The following TXN variants were observed in gnomAD, a reference collection of about 807,000 sequenced individuals.
TXN encodes the protein ADF.
A neutral mutation model predicts 16.5 loss-of-function variants in TXN; 10 were observed. That is an observed-to-expected ratio of 0.61 (90% CI 0.37 to 1.03). The LOEUF (loss-of-function observed/expected upper bound fraction) is 1.03. Ranked by LOEUF, TXN falls within the 50% of genes least tolerant of loss-of-function variation. TXN has a pLI of 0.01. For synonymous variants in TXN, 35 were observed against 39.4 expected (o/e 0.89, Z 0.42); for missense variants, 71 against 122.5 (o/e 0.58, Z 1.98).
In TXN at chr9:110,245,650, ATATATTTTTTTTTT is replaced by A. The variant is rs1439659747; in HGVS notation, c.190-821_190-808del. Among the ~76,000 whole-genome samples, 18 of 24,644 alleles carry A rather than the reference ATATATTTTTTTTTT, an allele frequency of 7.3e-4. 3 individuals are homozygous for A. In the South Asian group the frequency reaches 0.018, roughly 25 times the overall value. 16.2% of individuals were successfully genotyped at this position (24,644 alleles called of 152,430 possible). ...TATATATATATATATATATATATAT[ATATATTTTTTTTTT>A]TTTTTTTTTATAGGGACAAGGTCTC... is the stretch of plus-strand genomic sequence containing the variant. On this transcript the variant is annotated intron_variant, in intron 3 of 4. Transcript: ENST00000374517.
At chr9:110,252,668 C>T (rs545097905) in intron 1 of TXN, among the ~76,000 whole-genome samples, 21 of 152,050 alleles carry the variant, frequency 1.4e-4, no homozygotes, top group Non-Finnish European at 2.4e-4. Flanking sequence ...GTTTTTGAGA[C>T]GGAGTTTCAC....
intron 3 of TXN, among the ~76,000 whole-genome samples, chr9:110,250,144 T>C (rs1364691938): frequency 2.0e-5 from 3 of 152,240 alleles, no homozygotes; most frequent in Non-Finnish European, 4.4e-5. Context: ...TTCAGCCACA[T>C]ACTCACTGAA....
intron 3 of TXN, among the ~76,000 whole-genome samples, chr9:110,249,548 A>C (rs1366532393): frequency 6.6e-6 from 1 of 152,128 alleles, no homozygotes; most frequent in East Asian, 1.9e-4. Flanking sequence ...TAGGGCACAC[A>C]AGGCGGTAAG....
chr9:110,255,334 G>A (rs939100393), intron 1 of TXN, among the ~76,000 whole-genome samples: 1 of 152,232 alleles, frequency 6.6e-6, no homozygotes, highest in Non-Finnish European at 1.5e-5. Flanking sequence ...AAATATTTCT[G>A]GAGTGGCTAC....
chr9:110,254,125 G>T (rs1349476310), intron 1 of TXN, among the ~76,000 whole-genome samples: 1 of 144,648 alleles, frequency 6.9e-6, no homozygotes, highest in Non-Finnish European at 1.6e-5. Flanking sequence ...ATCCCAGTTG[G>T]CCCTAAAGCA....
chr9:110,251,666 G>C (rs1837739831), intron 1 of TXN, among the ~76,000 whole-genome samples: 1 of 147,600 alleles, frequency 6.8e-6, no homozygotes, highest in African/African-American at 2.5e-5. Context: ...TACATTGTTG[G>C]TAGTGTTACT....
At position 110,250,834 on chromosome 9, in the gene TXN, C is replaced by T; in HGVS notation, c.175G>A (p.Val59Met). 6.2e-7 allele frequency: 1 copy of T among 1,609,806 alleles called. No individual in the cohort carries two copies. The highest frequency in any genetic ancestry group is 1.1e-5 in the South Asian group (1 of 89,740). The change falls in exon 3 of 5, where the codon GTG becomes ATG. Residue 59 changes from valine (V) to methionine (M), a missense_variant. Physicochemically the swap from Val to Met is conservative, Grantham distance 21. Transcript: ENST00000374517. ...CAGCTACATACCTGACAGTCATCCA[C>T]ATCTACTTCAAGGAATATCACGTTG... ...YSNVIFLEVD[V>M]DDCQDVASEC...
In TXN at chr9:110,252,499, A is replaced by G. The variant is rs571249837; in HGVS notation, c.25-1037T>C. Among the ~76,000 whole-genome samples the G allele has an allele frequency of 3.3e-5, 5 of 152,298 alleles. No homozygotes were observed. In the South Asian group the frequency reaches 1.0e-3, roughly 32 times the overall value. On this transcript the variant is annotated intron_variant, in intron 1 of 4. Transcript: ENST00000374517. ...TCCTCATGAAGGAAATTTTTCATAG[A>G]TATTATTTTTCATAAGGAATGCTTG... is the stretch of plus-strand genomic sequence containing the variant.
chr9:110,251,323 A>T, intron 2 of TXN, 35 bp downstream of exon 2: 2 of 1,510,084 alleles, frequency 1.3e-6, no homozygotes, highest in Non-Finnish European at 1.8e-6. Flanking sequence ...AAAAAACACA[A>T]ATCTCTTACA....
At chr9:110,249,125 CAAAAAAAAAAAAAAAAAAAAA>C (rs71302631) in intron 3 of TXN, among the ~76,000 whole-genome samples, 1 of 53,818 alleles carries the variant, frequency 1.9e-5, no homozygotes, top group Non-Finnish European at 3.3e-5. Flanking sequence ...AACTCCATCT[CAAAAAAAAAAAAAAAAAAAAA>C]AAAAAAAAAA....
chr9:110,254,898 T>C (rs896529264), intron 1 of TXN, among the ~76,000 whole-genome samples: 1 of 152,152 alleles, frequency 6.6e-6, no homozygotes, highest in African/African-American at 2.4e-5. Flanking sequence ...CCCCACTCCC[T>C]TCCCCAGGAA....
intron 3 of TXN, among the ~76,000 whole-genome samples, chr9:110,247,247 C>T (rs1837670926): frequency 6.7e-6 from 1 of 150,022 alleles, no homozygotes; most frequent in Non-Finnish European, 1.5e-5. Context: ...CGCTTGAACC[C>T]GGGAGGTGGA....
Position 110,251,414 on chromosome 9 carries a change from C to G in TXN, c.73G>C (p.Val25Leu). The change falls in exon 2 of 5, where the codon GTT (valine) becomes CTT (leucine). Residue 25 changes from valine (V) to leucine (L), a missense_variant. By Grantham distance (32) the Val-to-Leu change is conservative (BLOSUM62 1). Coordinates refer to ENST00000374517, the MANE Select transcript of TXN (RefSeq NM_003329.4). ...LDAAGDKLVV[V>L]DFSATWCGPC... ...CCACACCACGTGGCTGAGAAGTCAA[C>G]TACTACAAGTTTATCACCTGCAGCG... The G allele has an allele frequency of 6.2e-7, 1 of 1,612,172 alleles. No individual in the cohort carries two copies. Among genetic ancestry groups the G allele is most frequent in the Non-Finnish European group, 8.5e-7 (1 of 1,179,850 alleles).
intron 1 of TXN, among the ~76,000 whole-genome samples, chr9:110,253,904 G>GT (rs899696818): frequency 4.2e-4 from 64 of 152,190 alleles, no homozygotes; most frequent in African/African-American, 1.5e-3. Context: ...AAGCAGAACA[G>GT]TGTAGTTGGG....
intron 3 of TXN, among the ~76,000 whole-genome samples, chr9:110,248,826 C>A (rs1223506842): frequency 6.6e-6 from 1 of 152,034 alleles, no homozygotes; most frequent in African/African-American, 2.4e-5. Flanking sequence ...TTATTGCTTT[C>A]AAATAAAAAT....
chr9:110,253,154 C>CA (rs138978621), intron 1 of TXN, among the ~76,000 whole-genome samples: 16,220 of 137,184 alleles, frequency 0.12, 1,018 homozygotes, highest in Non-Finnish European at 0.15. Flanking sequence ...ACCAAATAAA[C>CA]AAAAAAAAAC....
At chr9:110,249,729 A>C (rs1203896294) in intron 3 of TXN, among the ~76,000 whole-genome samples, 3 of 152,198 alleles carry the variant, frequency 2.0e-5, no homozygotes, top group Non-Finnish European at 4.4e-5. Flanking sequence ...TTTAGAGAGC[A>C]CTGCCATATG....
At chr9:110,249,317 AAAAC>A (rs1837698336) in intron 3 of TXN, among the ~76,000 whole-genome samples, 3 of 151,822 alleles carry the variant, frequency 2.0e-5, no homozygotes, top group South Asian at 2.1e-4. Flanking sequence ...TAAAAAAAAA[AAAAC>A]AACTCTGGGA....
intron 3 of TXN, among the ~76,000 whole-genome samples, chr9:110,250,075 G>A (rs922984276): frequency 3.9e-5 from 6 of 152,222 alleles, no homozygotes; most frequent in East Asian, 1.9e-4. Context: ...AGCATCCTCC[G>A]ATGGGTAGTG....
Sources: gnomAD v4.1 joint callset for allele counts (sites outside exome capture counted in the v4.1 genomes callset) on GRCh38, gnomAD v4.1.1 for gene constraint, MANE v1.5 for transcripts, NCBI Gene and HGNC (gene_info 2026-07-23, HGNC 2026-07-21) for gene names.